The following SF3B3 variants were observed in gnomAD, a reference collection of about 807,000 sequenced individuals.
The protein encoded by SF3B3 is splicing factor 3b subunit 3.
Under a neutral mutation model 139.2 loss-of-function variants are expected in SF3B3, and 33 were observed. The observed-to-expected ratio is 0.24, with a 90% CI of 0.18 to 0.32. The LOEUF (loss-of-function observed/expected upper bound fraction) is 0.32, where lower values mean the gene tolerates loss of function less well. Ranked by LOEUF, SF3B3 falls within the 10% of genes least tolerant of loss-of-function variation. The pLI, the probability that SF3B3 is intolerant of heterozygous loss-of-function variation, is 1.00. For synonymous variants in SF3B3, 596 were observed against 563.6 expected, an observed-to-expected ratio of 1.06 and a Z score of -0.81; for missense variants, 818 against 1,509.4, an observed-to-expected ratio of 0.54 and a Z score of 7.59.
chr16:70,556,138 C>T, intron 13 of SF3B3, 41 bp from the exon 14 acceptor site: 1 of 1,609,018 alleles, frequency 6.2e-7, no homozygotes, highest in East Asian at 2.2e-5. Context: ...CTAGACCCAT[C>T]CCTCTGTAGT....
At chr16:70,529,443 T>C (rs1016893211) in intron 3 of SF3B3, 1 of 526,380 alleles carries the variant, frequency 1.9e-6, no homozygotes, top group African/African-American at 1.9e-5. Context: ...AATTTCTTTT[T>C]CTTTGGCAAA....
intron 22 of SF3B3, 138 bp from the exon 23 acceptor site, chr16:70,568,905 C>T: frequency 1.7e-6 from 1 of 601,988 alleles, no homozygotes; most frequent in Non-Finnish European, 3.0e-6. Flanking sequence ...AGAGCAGGTG[C>T]AGGACACGTG....
intron 1 of SF3B3, among the ~76,000 whole-genome samples, chr16:70,525,897 C>G (rs1382848797): frequency 7.2e-6 from 1 of 139,478 alleles, no homozygotes; most frequent in Non-Finnish European, 1.5e-5. Flanking sequence ...GGAGGCGGAG[C>G]TTGCAGTAAG....
At chr16:70,541,644 G>A in intron 8 of SF3B3, 25 bp from the exon 9 acceptor site, 1 of 1,603,258 alleles carries the variant, frequency 6.2e-7, no homozygotes, top group Non-Finnish European at 8.5e-7. Context: ...GTTACCGAAA[G>A]TTTCTCTCCT....
At chr16:70,542,781 G>A (rs1040502586) in intron 9 of SF3B3, among the ~76,000 whole-genome samples, 3 of 150,728 alleles carry the variant, frequency 2.0e-5, no homozygotes, top group Admixed American at 6.6e-5. Flanking sequence ...GAGTGCAGTG[G>A]CGTGATCTCG....
rs1309818440 is a variant in SF3B3 at position 70,572,915 on chromosome 16, G to A, written c.*1102G>A. 3 of 152,196 alleles carry A rather than the reference G, an allele frequency of 2.0e-5. No homozygotes were observed. Among genetic ancestry groups the A allele is most frequent in the East Asian group, 3.8e-4 (2 of 5,198 alleles). 9.4% of individuals were successfully genotyped at this position (152,196 alleles called of 1,614,324 possible). A position where few individuals can be genotyped will look rare whatever the true frequency, so the allele number is the denominator to read the frequency against. ...CCCTCGTCTTCCAGGCTGTCCTTGCGCCTTGAACCTGGAGAAGTGAGCTCA... is the reference window on the plus strand; with the variant it reads ...CCCTCGTCTTCCAGGCTGTCCTTGCACCTTGAACCTGGAGAAGTGAGCTCA... On this transcript the variant is annotated 3_prime_UTR_variant, in exon 26 of 26. Transcript: ENST00000302516.
chr16:70,552,964 G>A (rs2050341650), intron 11 of SF3B3, among the ~76,000 whole-genome samples: 1 of 152,212 alleles, frequency 6.6e-6, no homozygotes, highest in South Asian at 2.1e-4. Flanking sequence ...AGATTGGAGT[G>A]CAGTGGGGCG....
chr16:70,526,824 C>T (rs1014766328), intron 2 of SF3B3, 98 bp downstream of exon 2: 5 of 839,528 alleles, frequency 6.0e-6, no homozygotes, highest in Non-Finnish European at 9.8e-6. Context: ...TATGACAAAA[C>T]AGTTGTTGGT....
intron 11 of SF3B3, chr16:70,550,284 G>C (rs565097575): frequency 6.6e-6 from 1 of 152,312 alleles, no homozygotes. Context: ...AGGGGTTAAA[G>C]GAGAGGGCAT....
At position 70,567,518 on chromosome 16, in the gene SF3B3, C is replaced by A; in HGVS notation, c.2934C>A (p.Leu978=). 6.2e-7 allele frequency: 1 copy of A among 1,613,774 alleles called. No homozygotes were observed. The highest frequency in any genetic ancestry group is 8.5e-7 in the Non-Finnish European group (1 of 1,179,878). ...RVYDLGKKKL[L]RKCENKHIAN... ...ATGACCTGGGAAAGAAGAAGTTACTCCGAAAATGTGAGAATAAGGTAAGTG... is the reference window on the plus strand; with the variant it reads ...ATGACCTGGGAAAGAAGAAGTTACTACGAAAATGTGAGAATAAGGTAAGTG... The change falls in exon 21 of 26, where the codon CTC becomes CTA. Residue 978 remains leucine, a synonymous_variant. Transcript: ENST00000302516.
At position 70,554,435 on chromosome 16, in the gene SF3B3, T is replaced by C. The variant is rs375714491; in HGVS notation, c.1403-11T>C. ...TTCTTATCTAACCAACTCCCTTCTT[T>C]TCTTTTTCAGATGAGTTTGATGCCT... On this transcript the variant is annotated splice_polypyrimidine_tract_variant and intron_variant, in intron 11 of 25. Coordinates refer to ENST00000302516, the MANE Select transcript of SF3B3 (RefSeq NM_012426.5). The C allele has an allele frequency of 3.7e-6, 6 of 1,613,644 alleles. No individual in the cohort carries two copies. The African/African-American group carries it at 8.0e-5, about 22-fold the overall frequency.
At chr16:70,535,516 A>G in intron 6 of SF3B3, 96 bp downstream of exon 6, 1 of 629,646 alleles carries the variant, frequency 1.6e-6, no homozygotes, top group Non-Finnish European at 2.6e-6. Flanking sequence ...TTTTTTGTAA[A>G]TTAAAAAAAA....
rs1300235243 is a variant in SF3B3, at chr16:70,574,779, C to T, written c.*2966C>T. 2 of 152,236 alleles carry T rather than the reference C, an allele frequency of 1.3e-5. No individual in the cohort carries two copies. The highest frequency in any genetic ancestry group is 2.9e-5 in the Non-Finnish European group (2 of 68,052). The allele number at this position is 152,236 out of a possible 1,614,324, so 9.4% of individuals were successfully genotyped here. On this transcript the variant is annotated 3_prime_UTR_variant, in exon 26 of 26. Transcript: ENST00000302516. ...AAGTGCTGTGATTACAGGCGTGAGC[C>T]ACCATGCCCAGCCTCTAAATTCTGT...
rs762080921 is a variant in SF3B3 at position 70,548,353 on chromosome 16, C to A, written c.1330-17C>A. 3.7e-6 allele frequency: 6 copies of A among 1,611,910 alleles called. No homozygotes were observed. Among genetic ancestry groups the A allele is most frequent in the Non-Finnish European group, 4.2e-6 (5 of 1,178,218 alleles). ...TGCATGCTCACTGGATCTGTGGCTTCCCTCTTCTCCTGTCAGGTGTCAGAA... is the reference window on the plus strand; with the variant it reads ...TGCATGCTCACTGGATCTGTGGCTTACCTCTTCTCCTGTCAGGTGTCAGAA... On this transcript the variant is annotated splice_polypyrimidine_tract_variant and intron_variant, in intron 10 of 25. Transcript: ENST00000302516.
rs778804309 is a variant in SF3B3 at position 70,529,219 on chromosome 16, T to A, written c.397+20T>A. 6.3e-7 allele frequency: 1 copy of A among 1,584,952 alleles called. No individual in the cohort carries two copies. The highest frequency in any genetic ancestry group is 8.6e-7 in the Non-Finnish European group (1 of 1,156,458). On this transcript the variant is annotated intron_variant, in intron 3 of 25. Transcript: ENST00000302516. ...TGATTAGTAAGTGATTTACTCTACT[T>A]GCTGTATATGCCTAGTTTAGGATAA...
chr16:70,553,391 A>C (rs1597717943), intron 11 of SF3B3, among the ~76,000 whole-genome samples: 2 of 152,236 alleles, frequency 1.3e-5, no homozygotes, highest in East Asian at 3.9e-4. Context: ...GCTCTTGACA[A>C]GTGCTTAGGC....
chr16:70,546,611 A>G (rs948139215), intron 10 of SF3B3, among the ~76,000 whole-genome samples: 1 of 152,252 alleles, frequency 6.6e-6, no homozygotes, highest in Admixed American at 6.5e-5. Context: ...AGATCACGCC[A>G]CTGTACTCCA....
chr16:70,544,361 TG>T, intron 9 of SF3B3, 76 bp from the exon 10 acceptor site: 1 of 802,254 alleles, frequency 1.2e-6, no homozygotes, highest in Non-Finnish European at 2.2e-6. Flanking sequence ...GCTGGATGTC[TG>T]GGATACTAGA....
rs1567408610 is a variant in SF3B3 at position 70,529,204 on chromosome 16, G to A, written c.397+5G>A. On this transcript the variant is annotated splice_donor_5th_base_variant and intron_variant, in intron 3 of 25. Coordinates refer to ENST00000302516, the MANE Select transcript of SF3B3 (RefSeq NM_012426.5). The stretch of plus-strand genomic sequence containing the variant: ...AAGGGCGAGCCGTTATGATTAGTAA[G>A]TGATTTACTCTACTTGCTGTATATG... 4 of 1,610,094 alleles carry A rather than the reference G, an allele frequency of 2.5e-6. No homozygotes were observed. The South Asian group carries it at 3.3e-5, about 13-fold the overall frequency.
Sources: allele counts gnomAD v4.1 joint callset (sites outside exome capture counted in the v4.1 genomes callset), GRCh38; gene constraint gnomAD v4.1.1; transcripts MANE v1.5; gene names NCBI Gene and HGNC (gene_info 2026-07-23, HGNC 2026-07-21).